The following ARHGEF4 variants were observed in gnomAD, a reference collection of about 807,000 sequenced individuals.
ARHGEF4 encodes Rho guanine nucleotide exchange factor 4.
A neutral mutation model predicts 162.0 loss-of-function variants in ARHGEF4; 119 were observed. That is an observed-to-expected ratio of 0.73 (90% CI 0.63 to 0.86). The LOEUF is 0.86. ARHGEF4 is among the 40% of genes least tolerant of loss of function. The probability of loss-of-function intolerance (pLI) is 0.00; values close to 1 mark genes in which losing one functional copy is unlikely to be tolerated. For synonymous variants in ARHGEF4, 1,014 were observed against 979.9 expected (o/e 1.03, Z -0.65); for missense variants, 2,488 against 2,456.0 (o/e 1.01, Z -0.28).
rs75493701 is a variant in ARHGEF4, at chr2:130,958,114, G to T, written c.3985+11479G>T. 3.9e-5 allele frequency among the ~76,000 whole-genome samples: 6 copies of T among 152,152 alleles called. No homozygotes were observed. In the East Asian group the frequency reaches 1.2e-3, roughly 29 times the overall value. On this transcript the variant is annotated intron_variant, in intron 4 of 13. Coordinates refer to ENST00000409359, the MANE Select transcript of ARHGEF4 (RefSeq NM_001367493.1). The stretch of plus-strand genomic sequence containing the variant: ...TCACCCCGGCTCACCACTCTCATCA[G>T]TAACAGACGGCTTCCTGACTAAGCC...
At chr2:130,957,161 T>G (rs528869048) in intron 4 of ARHGEF4, among the ~76,000 whole-genome samples, 1 of 150,592 alleles carries the variant, frequency 6.6e-6, no homozygotes, top group African/African-American at 2.4e-5. Context: ...TTTAAAGGAT[T>G]GTTAACAAAT....
intron 1 of ARHGEF4, among the ~76,000 whole-genome samples, chr2:130,848,523 C>G (rs1370907565): frequency 6.6e-6 from 1 of 152,196 alleles, no homozygotes; most frequent in East Asian, 1.9e-4. Context: ...AAGCCCTCCC[C>G]ACATGGGTGT....
rs1035624919 is a variant in ARHGEF4 at position 130,916,473 on chromosome 2, C to T, written c.2527C>T (p.Arg843Trp). The T allele has an allele frequency of 3.9e-6, 6 of 1,544,652 alleles. No individual in the cohort carries two copies. Among genetic ancestry groups the T allele is most frequent in the Non-Finnish European group, 5.2e-6 (6 of 1,146,264 alleles). The change falls in exon 2 of 14, where the codon CGG becomes TGG. Residue 843 changes from arginine to tryptophan, a missense_variant. Coordinates refer to ENST00000409359, the MANE Select transcript of ARHGEF4 (RefSeq NM_001367493.1). The part of the protein sequence containing the change: ...PRENPPAAAG[R>W]DAPPLHHGDA... ...GGAGAATCCGCCCGCTGCGGCCGGT[C>T]GGGACGCACCGCCTCTGCACCACGG...
At position 130,937,871 on chromosome 2, in the gene ARHGEF4, G is replaced by GT. The variant is rs376283245; in HGVS notation, c.3858+6616dup. On this transcript the variant is annotated intron_variant, in intron 3 of 13. Coordinates refer to ENST00000409359, the MANE Select transcript of ARHGEF4 (RefSeq NM_001367493.1). ...TTTAGTAGAGATGGGGTTTCACCGT[G>GT]TTAGCCAGGATGGTCTCGATCTCCT... Among the ~76,000 whole-genome samples the GT allele has an allele frequency of 2.1e-3, 314 of 152,164 alleles. 3 individuals carry two copies. Among genetic ancestry groups the GT allele is most frequent in the African/African-American group, 7.2e-3 (300 of 41,508 alleles).
At chr2:130,890,227 C>G (rs765147531) in intron 1 of ARHGEF4, among the ~76,000 whole-genome samples, 5 of 152,138 alleles carry the variant, frequency 3.3e-5, no homozygotes, top group African/African-American at 4.8e-5. Flanking sequence ...GATATTAAAC[C>G]ATCTCACTTT....
chr2:130,982,007 AT>A (rs371826575), intron 4 of ARHGEF4, among the ~76,000 whole-genome samples: 29 of 151,198 alleles, frequency 1.9e-4, no homozygotes, highest in Non-Finnish European at 3.7e-4. Context: ...CTGCCAATAC[AT>A]TTTTTTTTGA....
intron 4 of ARHGEF4, among the ~76,000 whole-genome samples, chr2:130,975,132 T>G (rs955430557): frequency 1.3e-5 from 2 of 152,058 alleles, no homozygotes; most frequent in Admixed American, 6.6e-5. Flanking sequence ...ACAAATAGAT[T>G]TGGATGAGGG....
intron 1 of ARHGEF4, among the ~76,000 whole-genome samples, chr2:130,901,628 C>G (rs377485194): frequency 6.6e-6 from 1 of 151,852 alleles, no homozygotes; most frequent in South Asian, 2.1e-4. Context: ...TCAAGTGATT[C>G]TCTTGCCTTA....
At chr2:130,956,685 T>C (rs1484368148) in intron 4 of ARHGEF4, among the ~76,000 whole-genome samples, 1 of 151,730 alleles carries the variant, frequency 6.6e-6, no homozygotes, top group Non-Finnish European at 1.5e-5. Context: ...GTGGATGAAA[T>C]TGGAAATCAT....
intron 4 of ARHGEF4, among the ~76,000 whole-genome samples, chr2:131,007,800 CTTT>C (rs70994731): frequency 2.0e-4 from 11 of 55,908 alleles, no homozygotes; most frequent in African/African-American, 7.9e-4. Flanking sequence ...CTTTTCTTTT[CTTT>C]TTTTTTTTTT....
chr2:130,908,459 G>A (rs1401147301), intron 1 of ARHGEF4, among the ~76,000 whole-genome samples: 8 of 152,104 alleles, frequency 5.3e-5, no homozygotes, highest in African/African-American at 1.7e-4. Flanking sequence ...GGTGGATCAC[G>A]AGGTCAGGAG....
At chr2:130,876,623 A>G (rs1316645462) in intron 1 of ARHGEF4, among the ~76,000 whole-genome samples, 1 of 152,148 alleles carries the variant, frequency 6.6e-6, no homozygotes, top group Non-Finnish European at 1.5e-5. Flanking sequence ...CGATCTCCTG[A>G]CCTTGTGATC....
chr2:130,949,412 G>A (rs1387238149), intron 4 of ARHGEF4, among the ~76,000 whole-genome samples: 1 of 152,202 alleles, frequency 6.6e-6, no homozygotes, highest in South Asian at 2.1e-4. Context: ...GGAGTGCAGT[G>A]GTGCGATCTC....
At chr2:130,911,218 G>A (rs1681163242) in intron 1 of ARHGEF4, among the ~76,000 whole-genome samples, 1 of 152,186 alleles carries the variant, frequency 6.6e-6, no homozygotes, top group Admixed American at 6.5e-5. Flanking sequence ...ACCCTGCTGT[G>A]GAACACTCAC....
At chr2:130,919,108 C>T (rs1681712747) in intron 2 of ARHGEF4, among the ~76,000 whole-genome samples, 2 of 152,176 alleles carry the variant, frequency 1.3e-5, no homozygotes, top group Non-Finnish European at 2.9e-5. Context: ...TAAAGCCCTC[C>T]AGCGCCTCAT....
Position 130,917,331 on chromosome 2 carries a change from A to G in ARHGEF4, c.3385A>G (p.Ser1129Gly). The stretch of plus-strand genomic sequence containing the variant: ...TGGAAGCTACAGCTACGTGGACAGC[A>G]GTTCAGGGGACCCTGAAAGACCCAA... ...SLGSYSYVDS[S>G]SGDPERPKIP... The change falls in exon 2 of 14, where the codon AGT (serine) becomes GGT (glycine). Residue 1129 changes from serine (S) to glycine (G), a missense_variant. Coordinates refer to ENST00000409359, the MANE Select transcript of ARHGEF4 (RefSeq NM_001367493.1). 1 of 1,550,594 alleles carries G rather than the reference A, an allele frequency of 6.4e-7. No individual in the cohort carries two copies. The highest frequency in any genetic ancestry group is 8.7e-7 in the Non-Finnish European group (1 of 1,147,002).
intron 4 of ARHGEF4, among the ~76,000 whole-genome samples, chr2:131,008,037 T>C (rs1688237800): frequency 2.0e-5 from 3 of 152,072 alleles, no homozygotes; most frequent in Admixed American, 1.3e-4. Flanking sequence ...AGTCTCGAAC[T>C]CCTGACCTCA....
At chr2:130,999,421 G>A (rs775705315) in intron 4 of ARHGEF4, among the ~76,000 whole-genome samples, 4 of 152,122 alleles carry the variant, frequency 2.6e-5, no homozygotes, top group African/African-American at 9.7e-5. Flanking sequence ...CTCCCAAAGT[G>A]CTGGGATTAC....
chr2:130,920,178 G>A (rs369682879), intron 2 of ARHGEF4, among the ~76,000 whole-genome samples: 4 of 152,094 alleles, frequency 2.6e-5, no homozygotes, highest in East Asian at 1.9e-4. Context: ...GCGAGATCAC[G>A]GTTCACTGCA....
Sources: allele counts gnomAD v4.1 joint callset (sites outside exome capture counted in the v4.1 genomes callset), GRCh38; gene constraint gnomAD v4.1.1; transcripts MANE v1.5; gene names NCBI Gene and HGNC (gene_info 2026-07-23, HGNC 2026-07-21).